Variants in CA10 observed in about 807,000 individuals in gnomAD.
The protein encoded by CA10 is carbonic anhydrase-related protein 10.
In CA10, 14 loss-of-function variants were observed where a neutral mutation model predicts 44.2. The observed-to-expected ratio is 0.32, with a 90% CI of 0.21 to 0.50. The LOEUF is 0.50. Ranked by LOEUF, CA10 falls within the 20% of genes least tolerant of loss-of-function variation. The probability of loss-of-function intolerance (pLI) is 0.99; values close to 1 mark genes in which losing one functional copy is unlikely to be tolerated. For missense variants in CA10, 350 were observed against 409.7 expected (o/e 0.85, Z 1.26); for synonymous variants, 159 against 141.6 (o/e 1.12, Z -0.87).
intron 4 of CA10, among the ~76,000 whole-genome samples, chr17:51,689,731 TTTTC>T (rs1915123874): frequency 6.6e-6 from 1 of 152,178 alleles, no homozygotes; most frequent in African/African-American, 2.4e-5. Flanking sequence ...GCAACATGCC[TTTTC>T]TTTCTCTTTT....
At chr17:51,658,804 G>A (rs1913895036) in intron 4 of CA10, among the ~76,000 whole-genome samples, 2 of 152,176 alleles carry the variant, frequency 1.3e-5, no homozygotes, top group Non-Finnish European at 2.9e-5. Flanking sequence ...AGGAAGCCTT[G>A]CCTACCCTTC....
rs530469317 is a variant in CA10 at position 52,026,147 on chromosome 17, G to A, written c.136+46172C>T. On this transcript the variant is annotated intron_variant, in intron 2 of 8. Coordinates refer to ENST00000451037, the MANE Select transcript of CA10 (RefSeq NM_020178.5). ...TCATAAGTAAACTTGTCCCAGTGAAGACAGAGGAAATTGTCTAAGAAAGCC... is the reference window on the plus strand; with the variant it reads ...TCATAAGTAAACTTGTCCCAGTGAAAACAGAGGAAATTGTCTAAGAAAGCC... 5.3e-5 allele frequency among the ~76,000 whole-genome samples: 8 copies of A among 152,220 alleles called. No individual in the cohort carries two copies. The East Asian group carries it at 5.8e-4, about 11-fold the overall frequency.
intron 1 of CA10, among the ~76,000 whole-genome samples, chr17:52,113,084 G>A (rs1484613682): frequency 1.3e-5 from 2 of 152,110 alleles, no homozygotes; most frequent in Non-Finnish European, 2.9e-5. Context: ...ACAACTCACA[G>A]TGTTTTTTCA....
At chr17:52,010,432 A>G (rs1567701561) in intron 2 of CA10, among the ~76,000 whole-genome samples, 1 of 151,948 alleles carries the variant, frequency 6.6e-6, no homozygotes, top group African/African-American at 2.4e-5. Context: ...ACCATGGAAT[A>G]CTACTCAGCC....
rs1915236698 is a variant in CA10, at chr17:51,692,393, ATCT to A, written c.466-38660_466-38658del. ...TATCTATCTATCTATCTATCTATCT[ATCT>A]ATCTATCTATCTATCTATCTATCTA... On this transcript the variant is annotated intron_variant, in intron 4 of 8. Coordinates refer to ENST00000451037, the MANE Select transcript of CA10 (RefSeq NM_020178.5). 7.0e-5 allele frequency among the ~76,000 whole-genome samples: 9 copies of A among 128,824 alleles called. No homozygotes were observed. The Admixed American group carries it at 7.3e-4, about 10-fold the overall frequency. 84.5% of individuals were successfully genotyped at this position (128,824 alleles called of 152,430 possible).
rs1219584537 is a variant in CA10, at chr17:52,048,047, A to AT, written c.136+24271_136+24272insA. Among the ~76,000 whole-genome samples the AT allele has an allele frequency of 9.2e-5, 14 of 151,722 alleles. No homozygotes were observed. The East Asian group carries it at 2.4e-3, about 26-fold the overall frequency. On this transcript the variant is annotated intron_variant, in intron 2 of 8. Coordinates refer to ENST00000451037, the MANE Select transcript of CA10 (RefSeq NM_020178.5). ...AATCTCCCACACCCACAAAAATTAA[A>AT]AAAAAAAAAAACATTTGTTTTTGGT...
intron 4 of CA10, among the ~76,000 whole-genome samples, chr17:51,685,293 ACTCT>A (rs1196610583): frequency 6.6e-6 from 1 of 151,856 alleles, no homozygotes; most frequent in Non-Finnish European, 1.5e-5. Flanking sequence ...ATCATTTGAG[ACTCT>A]CTCTGTGTCA....
At chr17:51,632,618 T>C (rs1288451371) in intron 8 of CA10, among the ~76,000 whole-genome samples, 2 of 152,128 alleles carry the variant, frequency 1.3e-5, no homozygotes, top group African/African-American at 4.8e-5. Context: ...GTAGATGGCA[T>C]AGGAACTGTC....
At chr17:51,648,112 C>A (rs17622442) in intron 6 of CA10, among the ~76,000 whole-genome samples, 1 of 152,150 alleles carries the variant, frequency 6.6e-6, no homozygotes, top group Non-Finnish European at 1.5e-5. Flanking sequence ...AGTGAGTAAA[C>A]GGCTGAGTGA....
intron 4 of CA10, among the ~76,000 whole-genome samples, chr17:51,677,008 C>T (rs1486588354): frequency 9.9e-5 from 15 of 152,084 alleles, no homozygotes. Flanking sequence ...TTGTTTTAAG[C>T]CTTTCCTTTT....
In CA10 at chr17:51,653,593, G is replaced by A. The variant is rs114531802; in HGVS notation, c.561+48C>T. 1.5e-3 allele frequency: 1,471 copies of A among 986,762 alleles called. 14 individuals carry two copies. In the African/African-American group the frequency reaches 0.021, roughly 14 times the overall value. 61.1% of individuals were successfully genotyped at this position (986,762 alleles called of 1,614,324 possible). On this transcript the variant is annotated intron_variant, in intron 5 of 8. Coordinates refer to ENST00000451037, the MANE Select transcript of CA10 (RefSeq NM_020178.5). ...AACAGAGACCGTAAATTGGTATTCT[G>A]ATTGAGGTGGGGATGGTGAGAAGAA...
At chr17:51,700,985 C>A (rs942737730) in intron 4 of CA10, among the ~76,000 whole-genome samples, 2 of 152,026 alleles carry the variant, frequency 1.3e-5, no homozygotes, top group Non-Finnish European at 2.9e-5. Context: ...GGGCTTAATA[C>A]CTAGGTGATG....
chr17:52,068,816 C>A (rs761457024), intron 2 of CA10, among the ~76,000 whole-genome samples: 33 of 152,188 alleles, frequency 2.2e-4, no homozygotes, highest in Non-Finnish European at 3.7e-4. Context: ...CCTTACATGG[C>A]ATGAATAGAA....
chr17:51,832,660 A>T (rs1428365684), intron 3 of CA10, among the ~76,000 whole-genome samples: 1 of 152,206 alleles, frequency 6.6e-6, no homozygotes, highest in Admixed American at 6.5e-5. Flanking sequence ...ACCATCGAGG[A>T]TTTATCTGGA....
chr17:51,759,947 C>T (rs962537358), intron 3 of CA10, among the ~76,000 whole-genome samples: 5 of 152,130 alleles, frequency 3.3e-5, no homozygotes, highest in South Asian at 2.1e-4. Context: ...CCCTAAACTA[C>T]GAAAATTCAA....
At chr17:51,731,663 A>AAAAC (rs1299520827) in intron 4 of CA10, among the ~76,000 whole-genome samples, 2 of 113,584 alleles carry the variant, frequency 1.8e-5, no homozygotes, top group East Asian at 5.6e-4. Flanking sequence ...TAAAAAAAAA[A>AAAAC]AAAAAAAAAA....
intron 3 of CA10, among the ~76,000 whole-genome samples, chr17:51,794,623 A>G (rs1906640840): frequency 6.6e-6 from 1 of 152,260 alleles, no homozygotes; most frequent in African/African-American, 2.4e-5. Flanking sequence ...TATACACTAC[A>G]TATAACATTC....
intron 8 of CA10, among the ~76,000 whole-genome samples, chr17:51,633,243 C>T (rs904236203): frequency 1.3e-5 from 2 of 152,182 alleles, no homozygotes; most frequent in Non-Finnish European, 2.9e-5. Context: ...TCCATCCATC[C>T]ATCCACTTAC....
In CA10 at chr17:51,930,994, C is replaced by T. The variant is rs1415783708; in HGVS notation, c.275G>A (p.Arg92Lys). ...GGAAGCAATATGGTGGCTTACCTTC[C>T]TGCCCCCCGTGTTGATGCGAAGAGG... ...LTPLRINTGG[R>K]KVSGTMYNTG... The change falls in exon 3 of 9, where the codon AGG becomes AAG. Residue 92 changes from arginine (R) to lysine (K), a missense_variant. Coordinates refer to ENST00000451037, the MANE Select transcript of CA10 (RefSeq NM_020178.5). 12 of 1,613,184 alleles carry T rather than the reference C, an allele frequency of 7.4e-6. No individual in the cohort carries two copies. The highest frequency in any genetic ancestry group is 1.0e-5 in the Non-Finnish European group (12 of 1,179,518).
Sources: allele counts gnomAD v4.1 joint callset (sites outside exome capture counted in the v4.1 genomes callset), GRCh38; gene constraint gnomAD v4.1.1; transcripts MANE v1.5; gene names NCBI Gene and HGNC (gene_info 2026-07-23, HGNC 2026-07-21).